SPON1: variants seen among roughly 807,000 people sequenced by gnomAD.
The protein encoded by SPON1 is spondin 1, also known as spondin-1.
In SPON1, 52 loss-of-function variants were observed where a neutral mutation model predicts 111.7. That is an observed-to-expected ratio of 0.47 (90% CI 0.37 to 0.59). SPON1 has a LOEUF of 0.59. Ranked by LOEUF, SPON1 falls within the 20% of genes least tolerant of loss-of-function variation. The pLI, the probability that SPON1 is intolerant of heterozygous loss-of-function variation, is 0.00. For synonymous variants in SPON1, 410 were observed against 395.8 expected (o/e 1.04, Z -0.43); for missense variants, 957 against 1,068.5 (o/e 0.90, Z 1.46).
intron 6 of SPON1, among the ~76,000 whole-genome samples, chr11:14,152,007 C>A (rs74760656): frequency 0.018 from 2,773 of 152,272 alleles, 94 homozygotes; most frequent in African/African-American, 0.064. Context: ...TTTCTGCCTC[C>A]TTGGATCTTC....
chr11:14,079,204 G>A (rs1031781207), intron 4 of SPON1, among the ~76,000 whole-genome samples: 5 of 152,134 alleles, frequency 3.3e-5, no homozygotes, highest in Non-Finnish European at 5.9e-5. Flanking sequence ...CCACTTATCA[G>A]CTATTCACAG....
chr11:14,240,398 ATGTTG>A (rs148118827), intron 6 of SPON1, among the ~76,000 whole-genome samples: 172 of 152,356 alleles, frequency 1.1e-3, no homozygotes, highest in Non-Finnish European at 2.2e-3. Flanking sequence ...GACCCTGCAG[ATGTTG>A]TGTAACCACT....
intron 2 of SPON1, among the ~76,000 whole-genome samples, chr11:13,998,863 A>G (rs1848294279): frequency 6.6e-6 from 1 of 152,254 alleles, no homozygotes. Context: ...ATTTTCAAAT[A>G]CATGATAGAC....
intron 5 of SPON1, among the ~76,000 whole-genome samples, chr11:14,097,618 T>C (rs1470082179): frequency 1.3e-5 from 2 of 152,116 alleles, no homozygotes; most frequent in Non-Finnish European, 2.9e-5. Flanking sequence ...GCTATTTGCC[T>C]AGCTGGGCAT....
rs73422142 is a variant in SPON1, at chr11:14,024,411, G to A, written c.346-17110G>A. The stretch of plus-strand genomic sequence containing the variant: ...GGTTCTGTTGAGTGGTGGAGGTGGC[G>A]CTCAGCAAGATGGATGGGGGGCCAG... On this transcript the variant is annotated intron_variant, in intron 2 of 15. Coordinates refer to ENST00000576479, the MANE Select transcript of SPON1 (RefSeq NM_006108.4). Among the ~76,000 whole-genome samples, 649 of 152,266 alleles carry A rather than the reference G, an allele frequency of 4.3e-3. 4 individuals carry two copies. The highest frequency in any genetic ancestry group is 0.014 in the African/African-American group (592 of 41,566).
At chr11:14,261,609 T>C (rs1849183305) in intron 14 of SPON1, among the ~76,000 whole-genome samples, 1 of 152,206 alleles carries the variant, frequency 6.6e-6, no homozygotes, top group Admixed American at 6.5e-5. Flanking sequence ...CTCCAGCTCC[T>C]GGGTTGTTTT....
intron 6 of SPON1, among the ~76,000 whole-genome samples, chr11:14,219,326 A>G (rs1021092383): frequency 2.0e-5 from 3 of 152,248 alleles, no homozygotes; most frequent in Non-Finnish European, 2.9e-5. Context: ...AATTCAAACT[A>G]TAAGGAAAAA....
intron 1 of SPON1, among the ~76,000 whole-genome samples, chr11:13,968,698 T>G (rs1848038579): frequency 6.6e-6 from 1 of 152,192 alleles, no homozygotes; most frequent in Non-Finnish European, 1.5e-5. Flanking sequence ...GGAGAACCTC[T>G]GCACACCTGT....
chr11:13,998,064 T>C lies in SPON1; in HGVS notation c.345+15111T>C, dbSNP rs145486178. ...GCTGGGTGCCATGCTGAACACATAA[T>C]CAAAGCTGAGTAAATATTAGTCACA... On this transcript the variant is annotated intron_variant, in intron 2 of 15. Coordinates refer to ENST00000576479, the MANE Select transcript of SPON1 (RefSeq NM_006108.4). Among the ~76,000 whole-genome samples, 4 of 152,256 alleles carry C rather than the reference T, an allele frequency of 2.6e-5. No homozygotes were observed. The East Asian group carries it at 7.7e-4, about 29-fold the overall frequency.
intron 5 of SPON1, among the ~76,000 whole-genome samples, chr11:14,098,676 G>A (rs1390303499): frequency 6.8e-6 from 1 of 147,444 alleles, no homozygotes; most frequent in Non-Finnish European, 1.5e-5. Context: ...GGGGTGGGAA[G>A]AGAGAGAGAG....
At chr11:14,128,529 G>A (rs550739739) in intron 5 of SPON1, among the ~76,000 whole-genome samples, 5 of 152,172 alleles carry the variant, frequency 3.3e-5, no homozygotes, top group African/African-American at 4.8e-5. Flanking sequence ...CAGCCCCCGC[G>A]GATGCTTTCA....
chr11:14,196,159 C>T (rs1554935043), intron 6 of SPON1, among the ~76,000 whole-genome samples: 2 of 152,182 alleles, frequency 1.3e-5, no homozygotes, highest in East Asian at 3.8e-4. Context: ...GATGTGTCCT[C>T]TAATACCAGA....
chr11:14,136,367 G>A (rs1196624588), intron 6 of SPON1, among the ~76,000 whole-genome samples: 1 of 152,206 alleles, frequency 6.6e-6, no homozygotes, highest in Non-Finnish European at 1.5e-5. Flanking sequence ...AGGAAGTAAG[G>A]AAAGAGCAAA....
chr11:13,980,508 AGT>A (rs1554909510), intron 1 of SPON1, among the ~76,000 whole-genome samples: 1 of 152,108 alleles, frequency 6.6e-6, no homozygotes. Context: ...TATCCAAGAC[AGT>A]GGTTTTATTT....
At chr11:14,048,020 A>G (rs1295180592) in intron 3 of SPON1, among the ~76,000 whole-genome samples, 3 of 152,096 alleles carry the variant, frequency 2.0e-5, no homozygotes, top group Non-Finnish European at 4.4e-5. Flanking sequence ...CGGGCAGATC[A>G]CCTGAGGTCA....
intron 6 of SPON1, among the ~76,000 whole-genome samples, chr11:14,216,661 C>T (rs1554937175): frequency 6.6e-6 from 1 of 152,098 alleles, no homozygotes; most frequent in East Asian, 1.9e-4. Flanking sequence ...CATAGAGGCA[C>T]CAGGGGCTGA....
intron 1 of SPON1, among the ~76,000 whole-genome samples, chr11:13,979,486 C>T (rs1554909357): frequency 6.6e-6 from 1 of 152,166 alleles, no homozygotes; most frequent in African/African-American, 2.4e-5. Context: ...AGGAAATGCT[C>T]CCAGGGGAAA....
chr11:14,177,182 A>T (rs2133885343), intron 6 of SPON1, among the ~76,000 whole-genome samples: 1 of 152,208 alleles, frequency 6.6e-6, no homozygotes, highest in African/African-American at 2.4e-5. Context: ...CTGGGACTAC[A>T]GGCGCCCACC....
chr11:14,259,462 C>A lies in SPON1; in HGVS notation c.1663+12C>A, dbSNP rs781882826. On this transcript the variant is annotated intron_variant, in intron 12 of 15. Coordinates refer to ENST00000576479, the MANE Select transcript of SPON1 (RefSeq NM_006108.4). This position sits in a 1 kb window ranked among gnomAD's most constrained non-coding sequence, Gnocchi z 5.0. ...CAACGAGGAGTGCTGTGAGTGGGGG[C>A]CCCGGGCGGGCAGGCGGGCAAGTAG... 1 of 1,601,964 alleles carries A rather than the reference C, an allele frequency of 6.2e-7. No homozygotes were observed. The highest frequency in any genetic ancestry group is 1.7e-5 in the Admixed American group (1 of 58,524).
Sources: allele counts gnomAD v4.1 joint callset (sites outside exome capture counted in the v4.1 genomes callset), GRCh38; gene constraint gnomAD v4.1.1; non-coding constraint Gnocchi (gnomAD v3.1); transcripts MANE v1.5; gene names NCBI Gene and HGNC (gene_info 2026-07-23, HGNC 2026-07-21).